Variants in DMRT1 observed in about 807,000 individuals in gnomAD.
The protein encoded by DMRT1 is doublesex and mab-3 related transcription factor 1.
A neutral mutation model predicts 32.3 loss-of-function variants in DMRT1; 7 were observed. The ratio of observed to expected loss-of-function variants is 0.22; its 90% confidence interval spans 0.12 to 0.41. DMRT1 has a LOEUF of 0.41. Ranked by LOEUF, DMRT1 falls within the 10% of genes least tolerant of loss-of-function variation. The pLI is 1.00. For synonymous variants in DMRT1, 278 were observed against 206.1 expected, an observed-to-expected ratio of 1.35 and a Z score of -2.99; for missense variants, 625 against 500.5, an observed-to-expected ratio of 1.25 and a Z score of -2.37.
intron 2 of DMRT1, among the ~76,000 whole-genome samples, chr9:889,425 T>G (rs1024934498): frequency 6.6e-6 from 1 of 152,208 alleles, no homozygotes; most frequent in Non-Finnish European, 1.5e-5. Context: ...CCAATACATA[T>G]CTCCTATTTA....
chr9:905,500 G>GTGTGTGTC (rs1208894809), intron 3 of DMRT1, among the ~76,000 whole-genome samples: 4 of 151,840 alleles, frequency 2.6e-5, no homozygotes, highest in Non-Finnish European at 5.9e-5. Context: ...GTGTGTGTGT[G>GTGTGTGTC]TGTGTGTGTG....
At chr9:902,327 C>T (rs908082407) in intron 3 of DMRT1, among the ~76,000 whole-genome samples, 1 of 150,444 alleles carries the variant, frequency 6.6e-6, no homozygotes, top group African/African-American at 2.5e-5. Flanking sequence ...CTTCCTACAC[C>T]CCCTCCTCCT....
At chr9:916,626 C>A in intron 3 of DMRT1, 137 bp from the exon 4 acceptor site, 3 of 1,025,792 alleles carry the variant, frequency 2.9e-6, no homozygotes, top group Non-Finnish European at 3.0e-6. Context: ...CCCGCCCTGG[C>A]CTCCCAAGGT....
intron 3 of DMRT1, among the ~76,000 whole-genome samples, chr9:896,555 C>T (rs1167642742): frequency 6.6e-6 from 1 of 152,124 alleles, no homozygotes; most frequent in Non-Finnish European, 1.5e-5. Context: ...TGGCTCATGC[C>T]TGTATTCCTA....
At chr9:940,420 G>A (rs559075255) in intron 4 of DMRT1, among the ~76,000 whole-genome samples, 3 of 152,118 alleles carry the variant, frequency 2.0e-5, no homozygotes, top group Non-Finnish European at 4.4e-5. Flanking sequence ...ATGGTCAAAT[G>A]ATTTTTGACC....
chr9:865,742 A>T (rs1815954039), intron 2 of DMRT1, among the ~76,000 whole-genome samples: 1 of 152,234 alleles, frequency 6.6e-6, no homozygotes, highest in Admixed American at 6.5e-5. Context: ...TAATGCTCAA[A>T]CATGGTAGAT....
At chr9:880,399 C>T (rs1816683754) in intron 2 of DMRT1, among the ~76,000 whole-genome samples, 1 of 152,118 alleles carries the variant, frequency 6.6e-6, no homozygotes, top group African/African-American at 2.4e-5. Flanking sequence ...CATTTTCCTT[C>T]ATAGCGATGA....
intron 2 of DMRT1, among the ~76,000 whole-genome samples, chr9:864,717 G>A (rs1257215775): frequency 6.7e-6 from 1 of 149,218 alleles, no homozygotes; most frequent in African/African-American, 2.5e-5. Flanking sequence ...AGCCAGGATG[G>A]TCTCCATCTC....
chr9:886,241 A>G (rs958951766), intron 2 of DMRT1, among the ~76,000 whole-genome samples: 7 of 152,090 alleles, frequency 4.6e-5, no homozygotes, highest in African/African-American at 1.7e-4. Context: ...CATGGAGCCA[A>G]CTGTGTTTTT....
intron 2 of DMRT1, among the ~76,000 whole-genome samples, chr9:860,470 G>A (rs999889307): frequency 1.3e-5 from 2 of 152,026 alleles, no homozygotes; most frequent in African/African-American, 2.4e-5. Flanking sequence ...TTCTTACTCT[G>A]TTTTTTCATT....
chr9:858,256 T>C (rs559703851), intron 2 of DMRT1, among the ~76,000 whole-genome samples: 5 of 152,270 alleles, frequency 3.3e-5, no homozygotes, highest in East Asian at 3.9e-4. Context: ...GGTTGTAGCA[T>C]TGGGGAACTT....
At chr9:922,244 G>A (rs1030148123) in intron 4 of DMRT1, among the ~76,000 whole-genome samples, 1 of 152,144 alleles carries the variant, frequency 6.6e-6, no homozygotes, top group African/African-American at 2.4e-5. Flanking sequence ...ACCAGACCAC[G>A]GTGGGTTGGA....
chr9:909,507 A>G (rs1817896697), intron 3 of DMRT1, among the ~76,000 whole-genome samples: 2 of 152,272 alleles, frequency 1.3e-5, no homozygotes, highest in South Asian at 2.1e-4. Context: ...AGAAGCATCT[A>G]TTAAAACTAA....
At chr9:878,667 A>C (rs971620096) in intron 2 of DMRT1, among the ~76,000 whole-genome samples, 1 of 152,122 alleles carries the variant, frequency 6.6e-6, no homozygotes, top group African/African-American at 2.4e-5. Flanking sequence ...GATTTGGAGC[A>C]AGGATAACTT....
intron 2 of DMRT1, among the ~76,000 whole-genome samples, chr9:882,824 T>A (rs150290346): frequency 0.013 from 1,787 of 142,648 alleles, 32 homozygotes; most frequent in African/African-American, 0.046. Context: ...CAGGCTGGAG[T>A]ACAGTGGCAT....
chr9:881,956 CTG>C (rs1198074423), intron 2 of DMRT1, among the ~76,000 whole-genome samples: 1 of 152,258 alleles, frequency 6.6e-6, no homozygotes, highest in Admixed American at 6.5e-5. Context: ...AGAGAAATCT[CTG>C]TCTTGGCCGT....
chr9:861,189 T>C (rs147056364), intron 2 of DMRT1, among the ~76,000 whole-genome samples: 3,183 of 152,054 alleles, frequency 0.021, 117 homozygotes, highest in African/African-American at 0.073. Flanking sequence ...CTGGTTTTCC[T>C]AGGCAGAGGG....
chr9:872,215 C>T (rs1816300058), intron 2 of DMRT1, among the ~76,000 whole-genome samples: 1 of 151,224 alleles, frequency 6.6e-6, no homozygotes, highest in Non-Finnish European at 1.5e-5. Context: ...GCGCCCGCCA[C>T]CATGCCAGGC....
At chr9:913,660 C>T (rs1164292008) in intron 3 of DMRT1, among the ~76,000 whole-genome samples, 1 of 151,166 alleles carries the variant, frequency 6.6e-6, no homozygotes, top group South Asian at 2.1e-4. Flanking sequence ...TTTGGGATGC[C>T]GAGGCGGGCG....
Sources: allele counts gnomAD v4.1 joint callset (sites outside exome capture counted in the v4.1 genomes callset), GRCh38; gene constraint gnomAD v4.1.1; transcripts MANE v1.5; gene names NCBI Gene and HGNC (gene_info 2026-07-23, HGNC 2026-07-21).